Variants in ATP8B4 observed in about 807,000 individuals in gnomAD.
The protein encoded by ATP8B4 is probable phospholipid-transporting ATPase IM.
A neutral mutation model predicts 145.6 loss-of-function variants in ATP8B4; 133 were observed. The ratio of observed to expected loss-of-function variants is 0.91; its 90% CI spans 0.79 to 1.05. The LOEUF is 1.05. Ranked by LOEUF, ATP8B4 falls within the 50% of genes least tolerant of loss-of-function variation. The pLI, the probability that ATP8B4 is intolerant of heterozygous loss-of-function variation, is 0.00. For missense variants in ATP8B4, 1,458 were observed against 1,425.2 expected (o/e 1.02, Z -0.37); for synonymous variants, 507 against 492.9 (o/e 1.03, Z -0.38).
At chr15:50,067,721 A>G (rs2053475434) in intron 3 of ATP8B4, among the ~76,000 whole-genome samples, 1 of 152,126 alleles carries the variant, frequency 6.6e-6, no homozygotes, top group South Asian at 2.1e-4. Flanking sequence ...GTAGCACTCA[A>G]CACACTGCTA....
chr15:49,963,514 C>T (rs2044267852), intron 13 of ATP8B4, among the ~76,000 whole-genome samples: 1 of 152,148 alleles, frequency 6.6e-6, no homozygotes, highest in African/African-American at 2.4e-5. Flanking sequence ...TAGCCTAATG[C>T]CCATCAGTGA....
At chr15:49,947,397 A>G (rs1038134669) in intron 14 of ATP8B4, among the ~76,000 whole-genome samples, 3 of 144,380 alleles carry the variant, frequency 2.1e-5, no homozygotes, top group East Asian at 4.1e-4. Flanking sequence ...TCACCACTGC[A>G]CTCCAGCCTG....
intron 1 of ATP8B4, among the ~76,000 whole-genome samples, chr15:50,138,245 G>A (rs996185411): frequency 6.6e-6 from 1 of 152,136 alleles, no homozygotes; most frequent in African/African-American, 2.4e-5. Flanking sequence ...GATCTGAGGT[G>A]TGTCAAAGGT....
chr15:50,030,556 T>G (rs1271460135), intron 6 of ATP8B4, among the ~76,000 whole-genome samples: 1 of 152,032 alleles, frequency 6.6e-6, no homozygotes, highest in Non-Finnish European at 1.5e-5. Flanking sequence ...AGAACTTTGG[T>G]GAAGAAAAAT....
At chr15:50,018,944 G>C (rs1045554537) in intron 6 of ATP8B4, 1 of 1,260,984 alleles carries the variant, frequency 7.9e-7, no homozygotes, top group Non-Finnish European at 1.0e-6. Context: ...AGTACTTCCT[G>C]TCATTAAACC....
chr15:49,859,865 T>C lies in ATP8B4; in HGVS notation c.*329A>G. 3.8e-6 allele frequency: 1 copy of C among 260,402 alleles called. No individual in the cohort carries two copies. The highest frequency in any genetic ancestry group is 7.2e-6 in the Non-Finnish European group (1 of 138,240). The allele number at this position is 260,402 out of a possible 1,614,324, so 16.1% of individuals were successfully genotyped here. A position where few individuals can be genotyped will look rare whatever the true frequency, so the allele number is the denominator to read the frequency against. ...CGCCTGAGGATCCATTCAGTGAATA[T>C]GCAGCTTTACAAGTTTTTCTCCATA... On this transcript the variant is annotated 3_prime_UTR_variant, in exon 28 of 28. Coordinates refer to ENST00000284509, the MANE Select transcript of ATP8B4 (RefSeq NM_024837.4).
At chr15:50,116,981 G>C (rs989014913) in intron 1 of ATP8B4, among the ~76,000 whole-genome samples, 2 of 152,014 alleles carry the variant, frequency 1.3e-5, no homozygotes, top group Non-Finnish European at 2.9e-5. Context: ...ATAAATACTT[G>C]TTTCTAATTC....
At chr15:50,066,529 A>G (rs2053393318) in intron 3 of ATP8B4, among the ~76,000 whole-genome samples, 1 of 152,190 alleles carries the variant, frequency 6.6e-6, no homozygotes, top group Non-Finnish European at 1.5e-5. Flanking sequence ...CAAGAAGAAT[A>G]GAGACCCAAA....
intron 16 of ATP8B4, among the ~76,000 whole-genome samples, chr15:49,927,215 C>T (rs1218013596): frequency 6.6e-6 from 1 of 152,068 alleles, no homozygotes; most frequent in Admixed American, 6.6e-5. Flanking sequence ...ATACTTCTGA[C>T]TTAAATCAGG....
intron 1 of ATP8B4, among the ~76,000 whole-genome samples, chr15:50,143,388 T>C (rs760816350): frequency 1.1e-4 from 17 of 152,352 alleles, no homozygotes; most frequent in Non-Finnish European, 1.8e-4. Flanking sequence ...ACATTGGTGC[T>C]GACTGTTGAG....
intron 23 of ATP8B4, among the ~76,000 whole-genome samples, chr15:49,890,488 T>C (rs1175985178): frequency 6.6e-6 from 1 of 152,176 alleles, no homozygotes; most frequent in African/African-American, 2.4e-5. Context: ...AGTGGCTATC[T>C]AAGGGGCTTT....
At chr15:49,860,687 G>A (rs1294414650) in intron 27 of ATP8B4, among the ~76,000 whole-genome samples, 1 of 152,052 alleles carries the variant, frequency 6.6e-6, no homozygotes, top group Non-Finnish European at 1.5e-5. Context: ...ACACTATTAA[G>A]TAATTAAGAA....
At chr15:50,089,886 C>G (rs973276872) in intron 2 of ATP8B4, among the ~76,000 whole-genome samples, 3 of 152,118 alleles carry the variant, frequency 2.0e-5, no homozygotes, top group Non-Finnish European at 4.4e-5. Context: ...GAATATAAAT[C>G]ATTCTATTAC....
chr15:50,143,262 G>C (rs1232536907), intron 1 of ATP8B4, among the ~76,000 whole-genome samples: 1 of 152,210 alleles, frequency 6.6e-6, no homozygotes, highest in Non-Finnish European at 1.5e-5. Context: ...GGAGCAAGTT[G>C]ATGGGCAGTT....
chr15:50,180,496 G>A (rs1178079108), intron 1 of ATP8B4, among the ~76,000 whole-genome samples: 1 of 152,200 alleles, frequency 6.6e-6, no homozygotes, highest in Non-Finnish European at 1.5e-5. Flanking sequence ...CTCAGAATAA[G>A]AGGGGAAAAA....
At chr15:50,016,555 T>C (rs1367049692) in intron 6 of ATP8B4, among the ~76,000 whole-genome samples, 1 of 152,112 alleles carries the variant, frequency 6.6e-6, no homozygotes, top group Non-Finnish European at 1.5e-5. Flanking sequence ...GCTGTTGATG[T>C]AGCCACAATG....
chr15:49,867,771 G>A (rs544540860), intron 25 of ATP8B4, among the ~76,000 whole-genome samples: 15 of 152,190 alleles, frequency 9.9e-5, no homozygotes, highest in South Asian at 2.1e-4. Flanking sequence ...ATAAGACCCC[G>A]TAAGAAGATG....
intron 9 of ATP8B4, among the ~76,000 whole-genome samples, chr15:49,989,421 C>T (rs2046879245): frequency 7.7e-6 from 1 of 129,574 alleles, no homozygotes; most frequent in South Asian, 3.3e-4. Context: ...AACCTAGCCA[C>T]TTAAAAAAAA....
At chr15:50,148,310 T>C (rs1486765270) in intron 1 of ATP8B4, among the ~76,000 whole-genome samples, 1 of 152,178 alleles carries the variant, frequency 6.6e-6, no homozygotes, top group Non-Finnish European at 1.5e-5. Context: ...TTATATTTAA[T>C]ATTAAATGCA....
Sources: gnomAD v4.1 joint callset for allele counts (sites outside exome capture counted in the v4.1 genomes callset) on GRCh38, gnomAD v4.1.1 for gene constraint, MANE v1.5 for transcripts, NCBI Gene and HGNC (gene_info 2026-07-23, HGNC 2026-07-21) for gene names.